UBR4: variants seen among roughly 807,000 people sequenced by gnomAD.
UBR4 encodes the protein ubiquitin protein ligase E3 component n-recognin 4, also known as E3 ubiquitin-protein ligase UBR4.
In UBR4, 124 loss-of-function variants were observed where a neutral mutation model predicts 575.6. The observed-to-expected ratio is 0.22, with a 90% CI of 0.19 to 0.25. The LOEUF (loss-of-function observed/expected upper bound fraction) is 0.25. UBR4 is among the 10% of genes least tolerant of loss of function. UBR4 has a pLI of 1.00. For missense variants in UBR4, 4,818 were observed against 6,478.8 expected (o/e 0.74, Z 8.80); for synonymous variants, 2,455 against 2,473.7 (o/e 0.99, Z 0.22).
At chr1:19,113,076 A>G in intron 77 of UBR4, 1 of 560,940 alleles carries the variant, frequency 1.8e-6, no homozygotes, top group Non-Finnish European at 3.1e-6. Context: ...GATAAGTGGC[A>G]GAGTCAGAAC....
intron 78 of UBR4, among the ~76,000 whole-genome samples, chr1:19,111,479 C>T (rs1464393090): frequency 1.3e-5 from 2 of 152,208 alleles, no homozygotes; most frequent in East Asian, 1.9e-4. Flanking sequence ...CTCTCAACTA[C>T]CCACTTGCTA....
At chr1:19,115,213 A>G (rs1418484221) in intron 74 of UBR4, among the ~76,000 whole-genome samples, 185 bp downstream of exon 74, 4 of 147,590 alleles carry the variant, frequency 2.7e-5, no homozygotes, top group Admixed American at 6.7e-5. Context: ...ACACACACAC[A>G]CACACACACT....
intron 28 of UBR4, 43 bp downstream of exon 28, chr1:19,167,984 A>G (rs747875809): frequency 7.2e-6 from 11 of 1,537,828 alleles, no homozygotes; most frequent in Non-Finnish European, 9.7e-6. Context: ...ACCACAATAG[A>G]ATACAGACAT....
intron 39 of UBR4, among the ~76,000 whole-genome samples, chr1:19,159,425 T>C (rs1032091407): frequency 9.9e-5 from 15 of 152,222 alleles, no homozygotes; most frequent in African/African-American, 3.6e-4. Context: ...GTAAGTTAGA[T>C]GAACTTTAGA....
chr1:19,102,940 C>T (rs975435547), intron 87 of UBR4, among the ~76,000 whole-genome samples: 2 of 152,174 alleles, frequency 1.3e-5, no homozygotes, highest in African/African-American at 4.8e-5. Flanking sequence ...GAGCTGTCCC[C>T]TTATAGGGGT....
At chr1:19,184,664 C>T (rs2091352444) in intron 15 of UBR4, among the ~76,000 whole-genome samples, 1 of 152,150 alleles carries the variant, frequency 6.6e-6, no homozygotes, top group Non-Finnish European at 1.5e-5. Flanking sequence ...CTGACTCACT[C>T]ACATCATCAG....
chr1:19,144,402 C>G (rs896391462), intron 54 of UBR4, among the ~76,000 whole-genome samples: 10 of 152,212 alleles, frequency 6.6e-5, no homozygotes, highest in African/African-American at 2.4e-4. Context: ...AAGCCCCCAG[C>G]GCACGTCTTA....
Position 19,100,075 on chromosome 1 carries a change from C to A in UBR4, c.13221+301G>T. On this transcript the variant is annotated intron_variant, in intron 89 of 105. Transcript: ENST00000375254. The surrounding 1 kb of genome is among the most constrained non-coding windows in gnomAD (Gnocchi z 4.2). The stretch of plus-strand genomic sequence containing the variant: ...TTAGGGGGCTCAGGTAACTCAGACT[C>A]ACCGAGAAGTCTCTGCCAGAGGCAA... 1 of 465,498 alleles carries A rather than the reference C, an allele frequency of 2.1e-6. No individual in the cohort carries two copies. Among genetic ancestry groups the A allele is most frequent in the Non-Finnish European group, 3.8e-6 (1 of 261,842 alleles). 28.8% of individuals were successfully genotyped at this position (465,498 alleles called of 1,614,324 possible).
chr1:19,167,759 C>T (rs1198777153), intron 28 of UBR4, among the ~76,000 whole-genome samples: 3 of 152,124 alleles, frequency 2.0e-5, no homozygotes, highest in Non-Finnish European at 4.4e-5. Flanking sequence ...AAATTTAAAC[C>T]CAAGACATCT....
intron 15 of UBR4, 23 bp downstream of exon 15, chr1:19,185,075 TA>T: frequency 6.2e-7 from 1 of 1,614,058 alleles, no homozygotes; most frequent in Non-Finnish European, 8.5e-7. Flanking sequence ...CCACTTCCCC[TA>T]AACCTTAGAA....
At position 19,146,968 on chromosome 1, in the gene UBR4, A is replaced by C; in HGVS notation, c.7662T>G (p.Cys2554Trp). 7.4e-6 allele frequency: 12 copies of C among 1,612,904 alleles called. No homozygotes were observed. Among genetic ancestry groups the C allele is most frequent in the Non-Finnish European group, 9.3e-6 (11 of 1,179,256 alleles). The change falls in exon 52 of 106, where the codon TGT becomes TGG. Residue 2554 changes from cysteine to tryptophan, a missense_variant. Around this residue, in one of 29 missense-constraint regions of UBR4, gnomAD observed 340 missense variants for 375.4 expected, o/e 0.91. Coordinates refer to ENST00000375254, the MANE Select transcript of UBR4 (RefSeq NM_020765.3). ...DQALLSKAVQ[C>W]LNTSSKEGKD... is the part of the protein sequence containing the mutation. ...TGCCCTCTTTGCTAGATGTGTTGAGACACTGCACAGCTTTGCTCAGCAAGG... is the reference window on the plus strand; with the variant it reads ...TGCCCTCTTTGCTAGATGTGTTGAGCCACTGCACAGCTTTGCTCAGCAAGG...
At chr1:19,143,266 G>GAA (rs1315012092) in intron 55 of UBR4, among the ~76,000 whole-genome samples, 1 of 54,322 alleles carries the variant, frequency 1.8e-5, no homozygotes, top group South Asian at 6.0e-4. Flanking sequence ...AAGGAAGAAA[G>GAA]AAAGAAAGAA....
intron 48 of UBR4, 29 bp from the exon 49 acceptor site, chr1:19,150,822 A>G: frequency 6.2e-7 from 1 of 1,609,598 alleles, no homozygotes; most frequent in Non-Finnish European, 8.5e-7. Flanking sequence ...GCCTTTAGGA[A>G]GCACATTCTC....
chr1:19,198,756 AT>A, intron 4 of UBR4, 42 bp downstream of exon 4: 1 of 1,613,104 alleles, frequency 6.2e-7, no homozygotes, highest in Non-Finnish European at 8.5e-7. Context: ...AAAAGGTGCC[AT>A]GGGGGTGGTC....
rs1429005118 is a variant in UBR4 at position 19,179,198 on chromosome 1, C to T, written c.2207G>A (p.Gly736Glu). 1 of 1,583,182 alleles carries T rather than the reference C, an allele frequency of 6.3e-7. No individual in the cohort carries two copies. The highest frequency in any genetic ancestry group is 8.5e-7 in the Non-Finnish European group (1 of 1,171,748). The part of the protein sequence containing the change: ...NLQNTLLQQL[G>E]VAPFSEGPWP... ...AGGGCCCTCAGAAAAAGGAGCCACT[C>T]CTAGCTGCTGCAACAGTGTGTTCTG... The change falls in exon 18 of 106, where the codon GGA becomes GAA. Residue 736 changes from glycine (G) to glutamate (E), a missense_variant. Transcript: ENST00000375254.
Position 19,165,672 on chromosome 1 carries a change from C to T in UBR4, c.4195G>A (p.Glu1399Lys). Reference sequence around the variant, plus strand: ...ACGGCTCACCTGTCAGAGAAAAACTCCTCCATAGCTTTACGAGCCTGGCTA... The same window carrying T: ...ACGGCTCACCTGTCAGAGAAAAACTTCTCCATAGCTTTACGAGCCTGGCTA... ...ESSQARKAME[E>K]FFSDSGELVQ... is the part of the protein sequence containing the mutation. The change falls in exon 30 of 106, where the codon GAG becomes AAG. Residue 1399 changes from glutamate to lysine, a missense_variant. Transcript: ENST00000375254. 3 of 1,613,840 alleles carry T rather than the reference C, an allele frequency of 1.9e-6. No individual in the cohort carries two copies. Among genetic ancestry groups the T allele is most frequent in the Non-Finnish European group, 2.5e-6 (3 of 1,179,928 alleles).
chr1:19,144,150 TA>T, intron 54 of UBR4, 59 bp from the exon 55 acceptor site: 1 of 1,490,036 alleles, frequency 6.7e-7, no homozygotes, highest in Non-Finnish European at 9.3e-7. Flanking sequence ...AAACTCTCTA[TA>T]AAACACTTTC....
rs924459700 is a variant in UBR4, at chr1:19,110,983, T to C, written c.11802-151A>G. 16 of 750,680 alleles carry C rather than the reference T, an allele frequency of 2.1e-5. No individual in the cohort carries two copies. The highest frequency in any genetic ancestry group is 3.2e-5 in the Non-Finnish European group (15 of 470,590). 46.5% of individuals were successfully genotyped at this position (750,680 alleles called of 1,614,324 possible). On this transcript the variant is annotated intron_variant, in intron 78 of 105. Coordinates refer to ENST00000375254, the MANE Select transcript of UBR4 (RefSeq NM_020765.3). This position sits in a 1 kb window ranked among gnomAD's most constrained non-coding sequence, Gnocchi z 4.5. ...CCTTCCCGGGGCAAGACTAGAACTT[T>C]AGCTTCACAAAACCGTGGTCGGTAA...
chr1:19,177,575 G>A lies in UBR4; in HGVS notation c.2523C>T (p.Ser841=), dbSNP rs370808393. The change falls in exon 19 of 106, where the codon AGC becomes AGT. Residue 841 remains serine, a synonymous_variant. Transcript: ENST00000375254. ...AGCGCATCTGAGCATCCATGTTGAC[G>A]CTCAACTCCTGGATGATCTGGACAA... ...SLFVQIIQEL[S]VNMDAQMRFV... 44 of 1,613,774 alleles carry A rather than the reference G, an allele frequency of 2.7e-5. No individual in the cohort carries two copies. In the African/African-American group the frequency reaches 3.3e-4, roughly 12 times the overall value.
Sources: allele counts gnomAD v4.1 joint callset (sites outside exome capture counted in the v4.1 genomes callset), GRCh38; gene constraint gnomAD v4.1.1; regional missense constraint gnomAD v4.1.1; non-coding constraint Gnocchi (gnomAD v3.1); transcripts MANE v1.5; gene names NCBI Gene and HGNC (gene_info 2026-07-23, HGNC 2026-07-21).